The following NOTCH2NLC variants were observed in gnomAD, a reference collection of about 807,000 sequenced individuals.
NOTCH2NLC encodes the protein notch homolog 2 N-terminal-like protein C.
In NOTCH2NLC, 4 loss-of-function variants were observed where a neutral mutation model predicts 17.7. The ratio of observed to expected loss-of-function variants is 0.23; its 90% CI spans 0.11 to 0.52. The LOEUF (loss-of-function observed/expected upper bound fraction) is 0.52. Ranked by LOEUF, NOTCH2NLC falls within the 20% of genes least tolerant of loss-of-function variation. The pLI is 0.96. For missense variants in NOTCH2NLC, 57 were observed against 207.2 expected, an observed-to-expected ratio of 0.28 and a Z score of 4.45; for synonymous variants, 18 against 86.0, an observed-to-expected ratio of 0.21 and a Z score of 4.38.
At chr1:149,393,589 T>C (rs1446497662) in intron 1 of NOTCH2NLC, among the ~76,000 whole-genome samples, 1 of 148,200 alleles carries the variant, frequency 6.7e-6, no homozygotes, top group Non-Finnish European at 1.5e-5. Context: ...TGCTCCTTGT[T>C]TTCTTTTGCT....
At chr1:149,454,778 T>C (rs1256025816) in intron 2 of NOTCH2NLC, among the ~76,000 whole-genome samples, 3 of 150,240 alleles carry the variant, frequency 2.0e-5, no homozygotes, top group Non-Finnish European at 4.4e-5. Flanking sequence ...GATGTTTCAG[T>C]GGAAATAAGA....
At chr1:149,445,993 G>C (rs1284502879) in intron 2 of NOTCH2NLC, among the ~76,000 whole-genome samples, 1 of 121,242 alleles carries the variant, frequency 8.2e-6, no homozygotes, top group African/African-American at 3.1e-5. Flanking sequence ...CAGAACATTC[G>C]GTGGAGAAAA....
chr1:149,440,904 C>T lies in NOTCH2NLC; in HGVS notation c.209+9889C>T, dbSNP rs1363365580. Among the ~76,000 whole-genome samples, 394 of 142,780 alleles carry T rather than the reference C, an allele frequency of 2.8e-3. 8 individuals carry two copies. The highest frequency in any genetic ancestry group is 9.7e-3 in the African/African-American group (375 of 38,764). The allele number at this position is 142,780 out of a possible 152,430, so 93.7% of individuals were successfully genotyped here. On this transcript the variant is annotated intron_variant, in intron 2 of 4. Transcript: ENST00000650865. ...TTCCTTTAGCACATGTTAACTTGAA[C>T]GTTTGGAGGTAGAATGCCTAGAGTG... is the stretch of plus-strand genomic sequence containing the variant.
Position 149,390,734 on chromosome 1 carries a change from G to T in NOTCH2NLC, c.-54G>T. 8.0e-7 allele frequency: 1 copy of T among 1,251,358 alleles called. No homozygotes were observed. Among genetic ancestry groups the T allele is most frequent in the Non-Finnish European group, 1.0e-6 (1 of 997,722 alleles). 77.5% of individuals were successfully genotyped at this position (1,251,358 alleles called of 1,614,324 possible). ...CCGTAGCGCCAGGGCCTGAGCCTTT[G>T]AAGCAGGAGGAGGGGAGGAGAGAGT... On this transcript the variant is annotated 5_prime_UTR_variant, in exon 1 of 5. Transcript: ENST00000650865.
In NOTCH2NLC at chr1:149,398,330, G is replaced by T. The variant is rs1344510063; in HGVS notation, c.135+7408G>T. Among the ~76,000 whole-genome samples the T allele has an allele frequency of 1.8e-4, 27 of 149,504 alleles. 1 individual carries two copies. Among genetic ancestry groups the T allele is most frequent in the Non-Finnish European group, 3.1e-4 (21 of 67,110 alleles). ...GTTGTGTCTATTATGTCTGTTAGTGGGTTTGCGGCAAGAGAGAGTGCTGTG... is the reference window on the plus strand; with the variant it reads ...GTTGTGTCTATTATGTCTGTTAGTGTGTTTGCGGCAAGAGAGAGTGCTGTG... On this transcript the variant is annotated intron_variant, in intron 1 of 4. Coordinates refer to ENST00000650865, the MANE Select transcript of NOTCH2NLC (RefSeq NM_001364013.2).
chr1:149,419,658 C>A (rs2084367270), intron 1 of NOTCH2NLC, among the ~76,000 whole-genome samples: 1 of 149,018 alleles, frequency 6.7e-6, no homozygotes, highest in South Asian at 2.1e-4. Context: ...GGAGGACTGG[C>A]GTTTTTAAGA....
intron 1 of NOTCH2NLC, among the ~76,000 whole-genome samples, chr1:149,399,263 G>A (rs1463868851): frequency 6.6e-6 from 1 of 150,660 alleles, no homozygotes; most frequent in Non-Finnish European, 1.5e-5. Context: ...GATTCTGGAA[G>A]TTTTTAAGCC....
rs1281112465 is a variant in NOTCH2NLC at position 149,457,607 on chromosome 1, C to T, written c.469+2030C>T. 7.2e-3 allele frequency among the ~76,000 whole-genome samples: 1,081 copies of T among 150,482 alleles called. 36 individuals are homozygous for T. Among genetic ancestry groups the T allele is most frequent in the Admixed American group, 0.011 (171 of 15,042 alleles). ...CATGATCACGAGGTCCCACAATAGGCTGTCTGCAGGCTGAGGAGCAAGGAG... is the reference window on the plus strand; with the variant it reads ...CATGATCACGAGGTCCCACAATAGGTTGTCTGCAGGCTGAGGAGCAAGGAG... On this transcript the variant is annotated intron_variant, in intron 3 of 4. Transcript: ENST00000650865.
At position 149,464,928 on chromosome 1, in the gene NOTCH2NLC, G is replaced by A. The variant is rs1207625396; in HGVS notation, c.*775G>A. 6.8e-6 allele frequency: 1 copy of A among 147,268 alleles called. No individual in the cohort carries two copies. Among genetic ancestry groups the A allele is most frequent in the African/African-American group, 2.5e-5 (1 of 40,118 alleles). The allele number at this position is 147,268 out of a possible 1,614,324, so 9.1% of individuals were successfully genotyped here. A position where few individuals can be genotyped will look rare whatever the true frequency, so the allele number is the denominator to read the frequency against. ...TGTGTTTTATTTTGGAGGAATTAAAGGTCATAGTTTGGTCCTCAGTATAAA... is the reference window on the plus strand; with the variant it reads ...TGTGTTTTATTTTGGAGGAATTAAAAGTCATAGTTTGGTCCTCAGTATAAA... On this transcript the variant is annotated 3_prime_UTR_variant, in exon 5 of 5. Transcript: ENST00000650865.
rs1201215490 is a variant in NOTCH2NLC at position 149,464,540 on chromosome 1, A to G, written c.*387A>G. The G allele has an allele frequency of 5.7e-6, 1 of 174,012 alleles. No homozygotes were observed. The highest frequency in any genetic ancestry group is 5.6e-5 in the Admixed American group (1 of 17,760). 10.8% of individuals were successfully genotyped at this position (174,012 alleles called of 1,614,324 possible). On this transcript the variant is annotated 3_prime_UTR_variant, in exon 5 of 5. Transcript: ENST00000650865. The stretch of plus-strand genomic sequence containing the variant: ...TGTTCTAGAGTGCACACACAACCCA[A>G]AGATAGAAATAAAAAGAGGAGCAGT...
rs1282090969 is a variant in NOTCH2NLC, at chr1:149,390,676, G to C, written c.-112G>C. 3 of 1,224,256 alleles carry C rather than the reference G, an allele frequency of 2.5e-6. No homozygotes were observed. Among genetic ancestry groups the C allele is most frequent in the Non-Finnish European group, 3.1e-6 (3 of 978,236 alleles). 75.8% of individuals were successfully genotyped at this position (1,224,256 alleles called of 1,614,324 possible). Reference sequence around the variant, plus strand: ...CCGAGGAGCGGCGGACTCGGGGCGCGGGGAGTCGAGGCATTTGCGCCTGTG... The same window carrying C: ...CCGAGGAGCGGCGGACTCGGGGCGCCGGGAGTCGAGGCATTTGCGCCTGTG... On this transcript the variant is annotated 5_prime_UTR_variant, in exon 1 of 5. Coordinates refer to ENST00000650865, the MANE Select transcript of NOTCH2NLC (RefSeq NM_001364013.2).
At chr1:149,419,556 ACT>A (rs2084366581) in intron 1 of NOTCH2NLC, among the ~76,000 whole-genome samples, 1 of 149,950 alleles carries the variant, frequency 6.7e-6, no homozygotes, top group African/African-American at 2.4e-5. Flanking sequence ...GACTGCTACA[ACT>A]CTGCAGAAAT....
intron 1 of NOTCH2NLC, among the ~76,000 whole-genome samples, chr1:149,409,312 C>CTG (rs1216997812): frequency 3.4e-5 from 5 of 148,312 alleles, no homozygotes; most frequent in East Asian, 2.0e-4. Context: ...TGATTTAACT[C>CTG]TGTGTGTGTG....
At chr1:149,424,723 T>A (rs1393235967) in intron 1 of NOTCH2NLC, among the ~76,000 whole-genome samples, 1 of 151,360 alleles carries the variant, frequency 6.6e-6, no homozygotes, top group Non-Finnish European at 1.5e-5. Flanking sequence ...TTTATTTGGC[T>A]AATAGCTTTG....
Position 149,471,739 on chromosome 1 carries a change from A to G in NOTCH2NLC, c.*7586A>G, listed in dbSNP as rs1485941702. 6.7e-6 allele frequency among the ~76,000 whole-genome samples: 1 copy of G among 149,526 alleles called. No homozygotes were observed. Among genetic ancestry groups the G allele is most frequent in the Non-Finnish European group, 1.5e-5 (1 of 67,116 alleles). ...GAACTTTTGGAATATGGTAAAAGACACTGAAATATATGCTTAAAAATGGTG... is the reference window on the plus strand; with the variant it reads ...GAACTTTTGGAATATGGTAAAAGACGCTGAAATATATGCTTAAAAATGGTG... On this transcript the variant is annotated 3_prime_UTR_variant, in exon 5 of 5. Transcript: ENST00000650865.
intron 2 of NOTCH2NLC, among the ~76,000 whole-genome samples, chr1:149,435,507 A>G (rs1408690833): frequency 6.7e-6 from 1 of 148,678 alleles, no homozygotes; most frequent in Non-Finnish European, 1.5e-5. Flanking sequence ...TATTCCCAAG[A>G]TGTGACCCTT....
At chr1:149,393,001 C>A (rs1475870772) in intron 1 of NOTCH2NLC, among the ~76,000 whole-genome samples, 1 of 130,748 alleles carries the variant, frequency 7.6e-6, no homozygotes, top group African/African-American at 2.9e-5. Flanking sequence ...ACCCGGGAGG[C>A]GGAGCTTGCA....
chr1:149,460,887 CT>C (rs1423870602), intron 3 of NOTCH2NLC, among the ~76,000 whole-genome samples: 13 of 134,518 alleles, frequency 9.7e-5, no homozygotes, highest in Non-Finnish European at 1.3e-4. Flanking sequence ...TTCTTTCTTT[CT>C]TTCTTTCTTT....
At chr1:149,421,608 C>A in intron 1 of NOTCH2NLC, among the ~76,000 whole-genome samples, 3 of 114,710 alleles carry the variant, frequency 2.6e-5, no homozygotes, top group East Asian at 2.7e-4. Context: ...GATAGTGGAA[C>A]AGAACAGATA....
Sources: allele counts gnomAD v4.1 joint callset (sites outside exome capture counted in the v4.1 genomes callset), GRCh38; gene constraint gnomAD v4.1.1; transcripts MANE v1.5; gene names NCBI Gene and HGNC (gene_info 2026-07-23, HGNC 2026-07-21).